Variants in RTCA observed in about 807,000 individuals in gnomAD.
RTCA encodes RNA terminal phosphate cyclase domain 1.
In RTCA, 37 loss-of-function variants were observed where a neutral mutation model predicts 46.1. The ratio of observed to expected loss-of-function variants is 0.80; its 90% confidence interval spans 0.62 to 1.06. RTCA has a LOEUF of 1.06. Among genes scored for constraint, RTCA ranks in the 50% least tolerant of loss-of-function variants. RTCA has a pLI of 0.00. For missense variants in RTCA, 435 were observed against 455.5 expected, an observed-to-expected ratio of 0.95 and a Z score of 0.41; for synonymous variants, 164 against 158.3, an observed-to-expected ratio of 1.04 and a Z score of -0.27.
intron 3 of RTCA, 96 bp downstream of exon 3, chr1:100,268,391 C>T (rs917251402): frequency 2.3e-5 from 24 of 1,038,188 alleles, no homozygotes; most frequent in Non-Finnish European, 3.0e-5. Flanking sequence ...GAGCTTGTTT[C>T]CCTACTTTTA....
intron 4 of RTCA, 60 bp from the exon 5 acceptor site, chr1:100,273,334 A>T: frequency 8.9e-7 from 1 of 1,125,598 alleles, no homozygotes; most frequent in Admixed American, 2.4e-5. Context: ...TTTAATAAAT[A>T]CACTTGTTAA....
intron 8 of RTCA, among the ~76,000 whole-genome samples, chr1:100,281,708 CTGTTTT>C (rs769813964): frequency 1.2e-4 from 18 of 151,560 alleles, no homozygotes; most frequent in Non-Finnish European, 2.5e-4. Context: ...GGGCATCTCT[CTGTTTT>C]TGTTTTTGTT....
chr1:100,267,832 A>G (rs1190848042), intron 2 of RTCA, among the ~76,000 whole-genome samples: 2 of 152,230 alleles, frequency 1.3e-5, no homozygotes, highest in African/African-American at 4.8e-5. Flanking sequence ...TAGATTGTTC[A>G]GTCAAGTGCA....
At chr1:100,275,033 T>C in intron 6 of RTCA, 68 bp downstream of exon 6, 1 of 1,426,482 alleles carries the variant, frequency 7.0e-7, no homozygotes, top group Non-Finnish European at 9.4e-7. Flanking sequence ...GTCAACTAAA[T>C]TTTGAAATTA....
Position 100,270,632 on chromosome 1 carries a change from A to T in RTCA, c.366A>T (p.Lys122Asn). The T allele has an allele frequency of 6.2e-7, 1 of 1,614,148 alleles. No individual in the cohort carries two copies. Among genetic ancestry groups the T allele is most frequent in the Non-Finnish European group, 8.5e-7 (1 of 1,179,988 alleles). Residue 122 changes from lysine (K) to asparagine (N), a missense_variant, in exon 4 of 11, where the codon AAA (lysine) becomes AAT (asparagine). Coordinates refer to ENST00000370128, the MANE Select transcript of RTCA (RefSeq NM_003729.4). ...CTTCTCCATCAGAACTTCATTTGAA[A>T]GGTGGAACTAATGCTGAAATGGCAC... Reference protein sequence around the residue: ...FAASPSELHLKGGTNAEMAPQ... With the variant: ...FAASPSELHLNGGTNAEMAPQ...
intron 8 of RTCA, among the ~76,000 whole-genome samples, chr1:100,279,703 T>C (rs944245587): frequency 2.6e-5 from 4 of 152,044 alleles, no homozygotes; most frequent in Non-Finnish European, 2.9e-5. Context: ...TGCTTGATCC[T>C]AAGATGTTCA....
At chr1:100,275,406 G>A (rs1294067257) in intron 6 of RTCA, among the ~76,000 whole-genome samples, 193 bp from the exon 7 acceptor site, 1 of 152,020 alleles carries the variant, frequency 6.6e-6, no homozygotes, top group Non-Finnish European at 1.5e-5. Flanking sequence ...ATGTATTAAT[G>A]GATACATTAA....
chr1:100,282,644 TAATCCAAA>T (rs1396420266), intron 8 of RTCA, among the ~76,000 whole-genome samples: 5 of 152,234 alleles, frequency 3.3e-5, no homozygotes, highest in African/African-American at 4.8e-5. Context: ...TGAGCATTCC[TAATCCAAA>T]AATCTAAAAT....
intron 8 of RTCA, among the ~76,000 whole-genome samples, chr1:100,284,879 T>A (rs1192721722): frequency 6.6e-6 from 1 of 152,228 alleles, no homozygotes; most frequent in African/African-American, 2.4e-5. Flanking sequence ...ATTACAGGCA[T>A]GAGCCACCAT....
intron 8 of RTCA, among the ~76,000 whole-genome samples, chr1:100,284,813 G>A (rs765875860): frequency 6.6e-6 from 1 of 152,154 alleles, no homozygotes; most frequent in Non-Finnish European, 1.5e-5. Flanking sequence ...GCCCAGGCCA[G>A]CCTTGAATTC....
chr1:100,278,278 T>C (rs1206404965), intron 8 of RTCA, among the ~76,000 whole-genome samples: 7 of 152,214 alleles, frequency 4.6e-5, no homozygotes, highest in Non-Finnish European at 5.9e-5. Flanking sequence ...AGTTATTACA[T>C]TGGTGATTTC....
chr1:100,290,702 G>A (rs921986724), intron 10 of RTCA, among the ~76,000 whole-genome samples: 1 of 152,158 alleles, frequency 6.6e-6, no homozygotes, highest in South Asian at 2.1e-4. Context: ...GGAAGTTGAG[G>A]CTGCAGTGAG....
chr1:100,277,275 C>T lies in RTCA; in HGVS notation c.758C>T (p.Ser253Phe), dbSNP rs758910718. The change falls in exon 8 of 11, where the codon TCC becomes TTC. Residue 253 changes from serine to phenylalanine, a missense_variant. Coordinates refer to ENST00000370128, the MANE Select transcript of RTCA (RefSeq NM_003729.4). Reference sequence around the variant, plus strand: ...TTGCATAGAATTATTGCTGAGACCTCCACTGGCTGTTTGTTTGCTGGATCA... The same window carrying T: ...TTGCATAGAATTATTGCTGAGACCTTCACTGGCTGTTTGTTTGCTGGATCA... ...GNGIIIIAET[S>F]TGCLFAGSSL... 6.2e-7 allele frequency: 1 copy of T among 1,612,442 alleles called. No individual in the cohort carries two copies. Among genetic ancestry groups the T allele is most frequent in the Non-Finnish European group, 8.5e-7 (1 of 1,179,392 alleles).
At chr1:100,287,958 TA>T (rs543771426) in intron 10 of RTCA, among the ~76,000 whole-genome samples, 3 of 152,250 alleles carry the variant, frequency 2.0e-5, no homozygotes, top group African/African-American at 7.2e-5. Context: ...CACACCTGGC[TA>T]ATTTTTCTAA....
At chr1:100,284,591 GC>G (rs1445473135) in intron 8 of RTCA, among the ~76,000 whole-genome samples, 2 of 151,928 alleles carry the variant, frequency 1.3e-5, no homozygotes, top group African/African-American at 4.8e-5. Flanking sequence ...ATGGGGTTTT[GC>G]CATTTTGGCC....
At chr1:100,290,714 C>T (rs990988109) in intron 10 of RTCA, among the ~76,000 whole-genome samples, 3 of 152,098 alleles carry the variant, frequency 2.0e-5, no homozygotes, top group South Asian at 4.1e-4. Context: ...TGCAGTGAGC[C>T]GTGTTCATGC....
intron 10 of RTCA, among the ~76,000 whole-genome samples, chr1:100,289,812 G>A (rs748965729): frequency 1.3e-5 from 2 of 152,194 alleles, no homozygotes; most frequent in Non-Finnish European, 2.9e-5. Context: ...CTTGGGGCAA[G>A]TTTCTTATCT....
At chr1:100,267,250 G>A (rs1220617079) in intron 2 of RTCA, 1 of 401,650 alleles carries the variant, frequency 2.5e-6, no homozygotes, top group African/African-American at 2.0e-5. Context: ...TGCTTTGTAT[G>A]TATTCTGTAT....
chr1:100,274,009 T>C (rs1666241044), intron 5 of RTCA, among the ~76,000 whole-genome samples: 1 of 152,238 alleles, frequency 6.6e-6, no homozygotes, highest in African/African-American at 2.4e-5. Flanking sequence ...TGCTTGTTAT[T>C]CCTTAAATAT....
Sources: allele counts gnomAD v4.1 joint callset (sites outside exome capture counted in the v4.1 genomes callset), GRCh38; gene constraint gnomAD v4.1.1; transcripts MANE v1.5; gene names NCBI Gene and HGNC (gene_info 2026-07-23, HGNC 2026-07-21).